Variants in RTF2 observed in about 807,000 individuals in gnomAD.
RTF2 encodes the protein UPF0549 protein C20orf43.
A neutral mutation model predicts 38.0 loss-of-function variants in RTF2; 18 were observed. That is an observed-to-expected ratio of 0.47 (90% CI 0.33 to 0.70). The LOEUF is 0.70. Ranked by LOEUF, RTF2 falls within the 30% of genes least tolerant of loss-of-function variation. RTF2 has a pLI of 0.02. For missense variants in RTF2, 311 were observed against 379.6 expected (o/e 0.82, Z 1.50); for synonymous variants, 126 against 137.1 (o/e 0.92, Z 0.57).
At chr20:56,502,776 G>A (rs1342751455) in intron 5 of RTF2, among the ~76,000 whole-genome samples, 2 of 152,194 alleles carry the variant, frequency 1.3e-5, no homozygotes, top group African/African-American at 4.8e-5. Flanking sequence ...CAAAAAGGGT[G>A]GGGGTTGAGG....
chr20:56,497,329 C>T (rs1983613638), intron 5 of RTF2: 1 of 1,549,862 alleles, frequency 6.5e-7, no homozygotes, highest in African/African-American at 1.4e-5. Flanking sequence ...AAATGCAGCC[C>T]CCGAGAAATC....
At chr20:56,479,418 G>T (rs972052473) in intron 4 of RTF2, among the ~76,000 whole-genome samples, 3 of 151,996 alleles carry the variant, frequency 2.0e-5, no homozygotes, top group Non-Finnish European at 2.9e-5. Context: ...TAGAGACAGG[G>T]TTTACCATAT....
intron 5 of RTF2, chr20:56,491,678 A>G: frequency 6.4e-7 from 1 of 1,552,282 alleles, no homozygotes; most frequent in East Asian, 2.4e-5. Flanking sequence ...GGTAACCACA[A>G]GCGGGTCTGT....
chr20:56,509,591 G>C (rs371979953), intron 5 of RTF2, among the ~76,000 whole-genome samples: 1 of 139,472 alleles, frequency 7.2e-6, no homozygotes, highest in East Asian at 2.0e-4. Context: ...GCAGCCTGGC[G>C]ACAAAGCGAG....
chr20:56,484,763 G>A (rs1443125855), intron 5 of RTF2, among the ~76,000 whole-genome samples: 2 of 152,252 alleles, frequency 1.3e-5, no homozygotes, highest in Non-Finnish European at 2.9e-5. Flanking sequence ...AGGAAATACT[G>A]ATGCTTTGCT....
chr20:56,486,482 C>T (rs552384017), intron 5 of RTF2, among the ~76,000 whole-genome samples: 47 of 152,050 alleles, frequency 3.1e-4, no homozygotes, highest in Non-Finnish European at 4.6e-4. Context: ...AACCCTGTCT[C>T]TCCTAAAAAT....
chr20:56,482,765 C>G (rs528298235), intron 4 of RTF2, among the ~76,000 whole-genome samples: 32 of 152,264 alleles, frequency 2.1e-4, no homozygotes, highest in Non-Finnish European at 4.0e-4. Flanking sequence ...GAAAATTTGT[C>G]CTTTGGCATT....
At chr20:56,504,762 T>C (rs138179109) in intron 5 of RTF2, among the ~76,000 whole-genome samples, 1 of 152,356 alleles carries the variant, frequency 6.6e-6, no homozygotes, top group Admixed American at 6.5e-5. Context: ...CTATTAAGAA[T>C]ATCGGCACCA....
rs1464534552 is a variant in RTF2 at position 56,491,641 on chromosome 20, T to A, written c.477+7452T>A. 5 of 1,551,846 alleles carry A rather than the reference T, an allele frequency of 3.2e-6. No homozygotes were observed. In the Admixed American group the frequency reaches 9.8e-5, roughly 30 times the overall value. On this transcript the variant is annotated intron_variant, in intron 5 of 8. Coordinates refer to ENST00000357348, the MANE Select transcript of RTF2 (RefSeq NM_016407.5). ...TAGGAACTTCTGCCTGCCTCAGCAC[T>A]TGAAGTCTGTGCCGCCGCTCTAAGC... is the stretch of plus-strand genomic sequence containing the variant.
At chr20:56,512,592 C>G (rs544018089) in intron 5 of RTF2, among the ~76,000 whole-genome samples, 3 of 152,134 alleles carry the variant, frequency 2.0e-5, no homozygotes, top group African/African-American at 7.2e-5. Context: ...AGACCCTGCT[C>G]GCAGTCTTGT....
chr20:56,517,104 A>G lies in RTF2; in HGVS notation c.647-2A>G, dbSNP rs1985093930. 4 of 1,613,978 alleles carry G rather than the reference A, an allele frequency of 2.5e-6. No homozygotes were observed. In the South Asian group the frequency reaches 4.4e-5, roughly 18 times the overall value. On this transcript the variant is annotated splice_acceptor_variant, in intron 7 of 8. Coordinates refer to ENST00000357348, the MANE Select transcript of RTF2 (RefSeq NM_016407.5). LOFTEE classifies it high-confidence loss of function. ...GCTTTGCCTACTTTGTTTCTTTTAC[A>G]GAAGCCCCAGGGCCATCAAAAGTTA... is the stretch of plus-strand genomic sequence containing the variant.
intron 1 of RTF2, among the ~76,000 whole-genome samples, chr20:56,469,799 C>T (rs1421631878): frequency 6.6e-6 from 1 of 152,166 alleles, no homozygotes; most frequent in East Asian, 1.9e-4. Context: ...TGCCCCTCTC[C>T]ACCTCTTTCA....
chr20:56,514,153 C>G (rs1355064086), intron 6 of RTF2: 2 of 152,070 alleles, frequency 1.3e-5, no homozygotes, highest in African/African-American at 4.8e-5. Flanking sequence ...CTTCATCGTT[C>G]AGAAGGGAGC....
chr20:56,505,516 T>TA (rs372840733), intron 5 of RTF2, among the ~76,000 whole-genome samples: 1 of 150,150 alleles, frequency 6.7e-6, no homozygotes, highest in African/African-American at 2.4e-5. Flanking sequence ...ATAATAATAA[T>TA]ATTTGCCCTG....
Position 56,476,979 on chromosome 20 carries a change from T to C in RTF2, c.259-6T>C. The C allele has an allele frequency of 1.2e-6, 2 of 1,613,790 alleles. No homozygotes were observed. Among genetic ancestry groups the C allele is most frequent in the Non-Finnish European group, 1.7e-6 (2 of 1,179,782 alleles). On this transcript the variant is annotated splice_region_variant and splice_polypyrimidine_tract_variant and intron_variant, in intron 3 of 8. Transcript: ENST00000357348. ...GAATTGTTAAAATATTAATGGTTTTTCCCAGAATGTGACAGAGCTGAAGCT... is the reference window on the plus strand; with the variant it reads ...GAATTGTTAAAATATTAATGGTTTTCCCCAGAATGTGACAGAGCTGAAGCT...
intron 1 of RTF2, among the ~76,000 whole-genome samples, chr20:56,471,841 A>G (rs753756258): frequency 5.9e-5 from 9 of 152,336 alleles, no homozygotes; most frequent in Middle Eastern, 3.4e-3. Flanking sequence ...ACTAACTCAT[A>G]GAGTTTTTCT....
At chr20:56,517,263 TC>T in intron 8 of RTF2, 62 bp downstream of exon 8, 1 of 1,373,480 alleles carries the variant, frequency 7.3e-7, no homozygotes, top group Non-Finnish European at 1.0e-6. Flanking sequence ...GGTGGCCGAG[TC>T]CAGGTTTCAC....
intron 5 of RTF2, among the ~76,000 whole-genome samples, chr20:56,507,881 G>A (rs1365046325): frequency 1.3e-5 from 2 of 152,138 alleles, no homozygotes; most frequent in African/African-American, 4.8e-5. Context: ...CAGAGCCAAG[G>A]GAAAGCTCTA....
intron 5 of RTF2, chr20:56,495,225 C>T (rs759890602): frequency 4.5e-6 from 7 of 1,551,386 alleles, no homozygotes; most frequent in Non-Finnish European, 6.1e-6. Context: ...ATGAACATTT[C>T]CTTCCTCACT....
Sources: gnomAD v4.1 joint callset for allele counts (sites outside exome capture counted in the v4.1 genomes callset) on GRCh38, gnomAD v4.1.1 for gene constraint, MANE v1.5 for transcripts, NCBI Gene and HGNC (gene_info 2026-07-23, HGNC 2026-07-21) for gene names.